The following RAB11FIP4 variants were observed in gnomAD, a reference collection of about 807,000 sequenced individuals.
RAB11FIP4 encodes rab11 family-interacting protein 4.
A neutral mutation model predicts 74.3 loss-of-function variants in RAB11FIP4; 23 were observed. The observed-to-expected ratio is 0.31, with a 90% CI of 0.22 to 0.44. The LOEUF (loss-of-function observed/expected upper bound fraction) is 0.44, where lower values mean the gene tolerates loss of function less well. RAB11FIP4 is among the 20% of genes least tolerant of loss of function. The pLI, the probability that RAB11FIP4 is intolerant of heterozygous loss-of-function variation, is 1.00. For missense variants in RAB11FIP4, 630 were observed against 863.9 expected (o/e 0.73, Z 3.39); for synonymous variants, 360 against 359.9 (o/e 1.00, Z 0.00).
Position 31,537,097 on chromosome 17 carries a change from G to A in RAB11FIP4, c.*5365G>A. The A allele has an allele frequency of 7.5e-6, 3 of 399,596 alleles. No homozygotes were observed. Among genetic ancestry groups the A allele is most frequent in the Non-Finnish European group, 1.3e-5 (3 of 226,358 alleles). The allele number at this position is 399,596 out of a possible 1,614,324, so 24.8% of individuals were successfully genotyped here. On this transcript the variant is annotated 3_prime_UTR_variant, in exon 15 of 15. Coordinates refer to ENST00000621161, the MANE Select transcript of RAB11FIP4 (RefSeq NM_032932.6). ...CCATCCGCTTTGCTGTGCTGCACAG[G>A]CTGTTTTCATCTGCATGGTTTGGGG... is the stretch of plus-strand genomic sequence containing the variant.
intron 1 of RAB11FIP4, among the ~76,000 whole-genome samples, chr17:31,413,886 A>C (rs1567647522): frequency 6.6e-6 from 1 of 152,196 alleles, no homozygotes; most frequent in Non-Finnish European, 1.5e-5. Flanking sequence ...GATCCAGTTC[A>C]TATTTTAAAT....
rs554591657 is a variant in RAB11FIP4 at position 31,514,458 on chromosome 17, G to A, written c.337-3193G>A. ...TGGCTGTAGGGGGAAGGTGGGTGTTGGGGAAACAGAATCATGTCCGGACCC... is the reference window on the plus strand; with the variant it reads ...TGGCTGTAGGGGGAAGGTGGGTGTTAGGGAAACAGAATCATGTCCGGACCC... On this transcript the variant is annotated intron_variant, in intron 3 of 14. Coordinates refer to ENST00000621161, the MANE Select transcript of RAB11FIP4 (RefSeq NM_032932.6). 2.5e-4 allele frequency among the ~76,000 whole-genome samples: 38 copies of A among 149,514 alleles called. No homozygotes were observed. In the South Asian group the frequency reaches 7.1e-3, roughly 28 times the overall value.
In RAB11FIP4 at chr17:31,537,513, C is replaced by G. The variant is rs567467421; in HGVS notation, c.*5781C>G. 3.2e-5 allele frequency: 9 copies of G among 281,592 alleles called. No individual in the cohort carries two copies. The highest frequency in any genetic ancestry group is 5.3e-5 in the Admixed American group (1 of 18,994). The allele number at this position is 281,592 out of a possible 1,614,324, so 17.4% of individuals were successfully genotyped here. The stretch of plus-strand genomic sequence containing the variant: ...GCTTTCCCTGCATTGTTAGTGATGT[C>G]GGGCAAAGCATCACTCTTTAACCTG... On this transcript the variant is annotated 3_prime_UTR_variant, in exon 15 of 15. Coordinates refer to ENST00000621161, the MANE Select transcript of RAB11FIP4 (RefSeq NM_032932.6).
At chr17:31,499,930 GT>G (rs1452403024) in intron 3 of RAB11FIP4, among the ~76,000 whole-genome samples, 2 of 152,132 alleles carry the variant, frequency 1.3e-5, no homozygotes, top group Non-Finnish European at 2.9e-5. Context: ...TGGCTGCTGG[GT>G]TTGTTTTCCA....
At chr17:31,411,801 C>T (rs2071099044) in intron 1 of RAB11FIP4, among the ~76,000 whole-genome samples, 1 of 152,242 alleles carries the variant, frequency 6.6e-6, no homozygotes, top group Non-Finnish European at 1.5e-5. Context: ...TGCTGAGCTG[C>T]CTGGGGGTGC....
At chr17:31,504,862 A>T (rs1383174999) in intron 3 of RAB11FIP4, among the ~76,000 whole-genome samples, 4 of 152,200 alleles carry the variant, frequency 2.6e-5, no homozygotes, top group African/African-American at 9.7e-5. Flanking sequence ...AGTGGTTTGC[A>T]AAGTGTGGTC....
chr17:31,398,768 A>G (rs1347335936), intron 1 of RAB11FIP4, among the ~76,000 whole-genome samples: 1 of 152,232 alleles, frequency 6.6e-6, no homozygotes. Context: ...GAGGAAAAGA[A>G]GAAGAAAGGA....
At chr17:31,522,583 C>T (rs550187554) in intron 7 of RAB11FIP4, 188 bp downstream of exon 7, 7 of 590,546 alleles carry the variant, frequency 1.2e-5, no homozygotes, top group East Asian at 8.7e-5. Context: ...GCCAGCTCCT[C>T]CCTGCTCTCT....
chr17:31,410,732 G>A (rs67705963), intron 1 of RAB11FIP4, among the ~76,000 whole-genome samples: 18,349 of 152,114 alleles, frequency 0.12, 3,117 homozygotes, highest in African/African-American at 0.38. Flanking sequence ...TTGCTGCTGG[G>A]AATATTCCCA....
chr17:31,442,082 T>G (rs966138657), intron 3 of RAB11FIP4, among the ~76,000 whole-genome samples: 2 of 151,682 alleles, frequency 1.3e-5, no homozygotes, highest in African/African-American at 4.8e-5. Flanking sequence ...CACCGCAAGC[T>G]CCGCCTCCTG....
intron 1 of RAB11FIP4, among the ~76,000 whole-genome samples, chr17:31,426,571 C>A (rs1021608362): frequency 1.3e-4 from 19 of 149,352 alleles, no homozygotes; most frequent in African/African-American, 4.2e-4. Flanking sequence ...AATTTCACAC[C>A]TGTTTTCTTT....
intron 5 of RAB11FIP4, 198 bp from the exon 6 acceptor site, chr17:31,521,717 A>C: frequency 1.6e-6 from 1 of 642,288 alleles, no homozygotes; most frequent in Non-Finnish European, 2.6e-6. Context: ...CTTAGCTGTT[A>C]AATGGGTATG....
chr17:31,517,065 G>A lies in RAB11FIP4; in HGVS notation c.337-586G>A, dbSNP rs76528559. Among the ~76,000 whole-genome samples the A allele has an allele frequency of 8.0e-3, 1,211 of 151,832 alleles. 20 individuals carry two copies. Among genetic ancestry groups the A allele is most frequent in the African/African-American group, 0.026 (1,083 of 41,344 alleles). On this transcript the variant is annotated intron_variant, in intron 3 of 14. Transcript: ENST00000621161. ...AGAGACTAAAGTGAAGTTACAAAGT[G>A]ATATTCCTATGCAAATTAAAACTTA...
At chr17:31,393,371 C>T (rs553381776) in intron 1 of RAB11FIP4, among the ~76,000 whole-genome samples, 4 of 152,338 alleles carry the variant, frequency 2.6e-5, no homozygotes, top group East Asian at 1.9e-4. Flanking sequence ...TGGGGATAGT[C>T]GCGCTCCTTC....
intron 3 of RAB11FIP4, chr17:31,488,405 T>G: frequency 4.1e-6 from 4 of 981,528 alleles, no homozygotes; most frequent in Non-Finnish European, 4.9e-6. Flanking sequence ...AGCCATCTCG[T>G]TCGGCCGCGA....
chr17:31,403,282 G>A (rs1213511741), intron 1 of RAB11FIP4, among the ~76,000 whole-genome samples: 2 of 152,032 alleles, frequency 1.3e-5, no homozygotes, highest in Non-Finnish European at 1.5e-5. Flanking sequence ...AGGACTCCAG[G>A]ACCCACCAAA....
intron 3 of RAB11FIP4, among the ~76,000 whole-genome samples, chr17:31,447,262 C>T (rs773216375): frequency 6.5e-4 from 99 of 152,114 alleles, no homozygotes; most frequent in Non-Finnish European, 1.1e-3. Context: ...CCAACCTGGG[C>T]CACAGAGCGT....
In RAB11FIP4 at chr17:31,521,455, G is replaced by GC. The variant is rs2072664404; in HGVS notation, c.758+98dup. On this transcript the variant is annotated intron_variant, in intron 5 of 14. Coordinates refer to ENST00000621161, the MANE Select transcript of RAB11FIP4 (RefSeq NM_032932.6). The stretch of plus-strand genomic sequence containing the variant: ...GTGGGGGGGTGCGAGTCCTGAGCTG[G>GC]CCCTTTTCCTTTGTCCTCAGCTACT... 3 of 1,125,876 alleles carry GC rather than the reference G, an allele frequency of 2.7e-6. No individual in the cohort carries two copies. The South Asian group carries it at 5.0e-5, about 19-fold the overall frequency. The allele number at this position is 1,125,876 out of a possible 1,614,324, so 69.7% of individuals were successfully genotyped here. A position where few individuals can be genotyped will look rare whatever the true frequency, so the allele number is the denominator to read the frequency against.
chr17:31,473,947 A>T (rs2071765083), intron 3 of RAB11FIP4, among the ~76,000 whole-genome samples: 1 of 152,194 alleles, frequency 6.6e-6, no homozygotes. Context: ...CCAAGATGAC[A>T]GACCCATCCT....
Sources: gnomAD v4.1 joint callset for allele counts (sites outside exome capture counted in the v4.1 genomes callset) on GRCh38, gnomAD v4.1.1 for gene constraint, MANE v1.5 for transcripts, NCBI Gene and HGNC (gene_info 2026-07-23, HGNC 2026-07-21) for gene names.